The following MTOR variants were observed in gnomAD, a reference collection of about 807,000 sequenced individuals.
The protein encoded by MTOR is serine/threonine-protein kinase mTOR.
MTOR carries 70 observed loss-of-function variants against 319.8 expected under a neutral mutation model. The ratio of observed to expected loss-of-function variants is 0.22; its 90% CI spans 0.18 to 0.27. MTOR has a LOEUF of 0.27. MTOR is among the 10% of genes least tolerant of loss of function. The pLI is 1.00. For missense variants in MTOR, 1,890 were observed against 3,274.4 expected (o/e 0.58, Z 10.32); for synonymous variants, 1,183 against 1,211.4 (o/e 0.98, Z 0.49).
rs1042898098 is a variant in MTOR, at chr1:11,110,732, C to CT, written c.7367-1004dup. 7.2e-5 allele frequency among the ~76,000 whole-genome samples: 11 copies of CT among 151,748 alleles called. 1 individual carries two copies. Among genetic ancestry groups the CT allele is most frequent in the Admixed American group, 3.9e-4 (6 of 15,236 alleles). Reference sequence around the variant, plus strand: ...TTCTATTAATGATCCATTGGAAGTTCTTTTTTTTGAGACAGGGTCTTGCTG... The same window carrying CT: ...TTCTATTAATGATCCATTGGAAGTTCTTTTTTTTTGAGACAGGGTCTTGCTG... On this transcript the variant is annotated intron_variant, in intron 54 of 57. Transcript: ENST00000361445.
intron 8 of MTOR, among the ~76,000 whole-genome samples, chr1:11,246,661 G>C (rs1648873032): frequency 6.6e-6 from 1 of 152,186 alleles, no homozygotes; most frequent in Admixed American, 6.5e-5. Context: ...CTGAGGGCCA[G>C]GCTGGCCTTT....
intron 11 of MTOR, among the ~76,000 whole-genome samples, chr1:11,239,016 C>T (rs1406233349): frequency 3.3e-5 from 5 of 151,682 alleles, no homozygotes; most frequent in Non-Finnish European, 7.4e-5. Flanking sequence ...CCTTGTGATC[C>T]GCCCGCCTCG....
In MTOR at chr1:11,240,439, T is replaced by C; in HGVS notation, c.1650A>G (p.Lys550=). Residue 550 remains lysine, a synonymous_variant, in exon 11 of 58, where the codon AAA becomes AAG. Coordinates refer to ENST00000361445, the MANE Select transcript of MTOR (RefSeq NM_004958.4). The part of the protein sequence containing the change: ...LKMLSLVLMH[K]PLRHPGMPKG... ...TGGGCATGCCTGGGTGGCGAAGGGG[T>C]TTGTGCATAAGGACCAGGGACAGCA... The C allele has an allele frequency of 1.2e-6, 2 of 1,613,982 alleles. No individual in the cohort carries two copies. The highest frequency in any genetic ancestry group is 1.7e-6 in the Non-Finnish European group (2 of 1,179,996).
chr1:11,237,720 G>A (rs762411225), intron 13 of MTOR, 123 bp downstream of exon 13: 27 of 1,017,522 alleles, frequency 2.7e-5, no homozygotes, highest in African/African-American at 8.0e-5. Context: ...AGACAAATGC[G>A]GCTTTTACCA....
chr1:11,118,092 T>A (rs528306140), intron 49 of MTOR, among the ~76,000 whole-genome samples: 14 of 151,248 alleles, frequency 9.3e-5, no homozygotes, highest in African/African-American at 3.4e-4. Context: ...AAAATAAAAT[T>A]AAAAAAAATT....
At chr1:11,260,761 A>C (rs1651006491) in intron 1 of MTOR, among the ~76,000 whole-genome samples, 1 of 151,290 alleles carries the variant, frequency 6.6e-6, no homozygotes, top group Non-Finnish European at 1.5e-5. Flanking sequence ...TGCATTTTAC[A>C]CTTACAACAA....
chr1:11,206,115 T>C (rs745912002), intron 25 of MTOR, among the ~76,000 whole-genome samples: 2 of 152,192 alleles, frequency 1.3e-5, no homozygotes, highest in Non-Finnish European at 2.9e-5. Flanking sequence ...AGAGGGAGAC[T>C]AGATACCAAA....
At chr1:11,238,347 C>T in intron 12 of MTOR, 55 bp downstream of exon 12, 1 of 1,572,636 alleles carries the variant, frequency 6.4e-7, no homozygotes. Context: ...TGGCTACTCC[C>T]AATTGTCCTA....
At chr1:11,134,734 C>T (rs1643324056) in intron 36 of MTOR, among the ~76,000 whole-genome samples, 1 of 152,226 alleles carries the variant, frequency 6.6e-6, no homozygotes, top group African/African-American at 2.4e-5. Flanking sequence ...GGCAAAGTTT[C>T]ATGCCTGGCT....
intron 28 of MTOR, among the ~76,000 whole-genome samples, chr1:11,169,445 T>A (rs919657955): frequency 6.6e-6 from 1 of 152,200 alleles, no homozygotes; most frequent in Non-Finnish European, 1.5e-5. Context: ...GCCTCTTTGT[T>A]AAGGAAAAGT....
Position 11,122,147 on chromosome 1 carries a change from G to A in MTOR, c.6663-21C>T, listed in dbSNP as rs750048276. On this transcript the variant is annotated intron_variant, in intron 47 of 57. Transcript: ENST00000361445. ...GGATGCTGGCGCCCACAGAAAAGCAGGGTTAGTGTACCGTAAAGAGAGTAT... is the reference window on the plus strand; with the variant it reads ...GGATGCTGGCGCCCACAGAAAAGCAAGGTTAGTGTACCGTAAAGAGAGTAT... 2.9e-5 allele frequency: 47 copies of A among 1,614,000 alleles called. No individual in the cohort carries two copies. In the South Asian group the frequency reaches 4.7e-4, roughly 16 times the overall value.
intron 8 of MTOR, among the ~76,000 whole-genome samples, chr1:11,247,228 G>T (rs772111922): frequency 2.6e-4 from 39 of 152,196 alleles, no homozygotes; most frequent in Non-Finnish European, 5.1e-4. Flanking sequence ...GATGCTGCCT[G>T]CAAGTGGTGA....
At chr1:11,193,439 C>T in intron 28 of MTOR, 1 of 729,732 alleles carries the variant, frequency 1.4e-6, no homozygotes, top group South Asian at 1.9e-5. Context: ...GGCAGCATCA[C>T]TGCCCGAGTG....
At chr1:11,246,882 G>A (rs1648903466) in intron 8 of MTOR, among the ~76,000 whole-genome samples, 1 of 152,220 alleles carries the variant, frequency 6.6e-6, no homozygotes, top group Non-Finnish European at 1.5e-5. Flanking sequence ...AGTAGCTTGA[G>A]GAGGCTGTAA....
intron 49 of MTOR, among the ~76,000 whole-genome samples, chr1:11,118,240 T>G (rs867484933): frequency 0.054 from 7,138 of 131,998 alleles, 291 homozygotes; most frequent in South Asian, 0.13. Context: ...TTTTTTTTTT[T>G]TTTTTTTTTT....
chr1:11,220,364 C>A (rs1466602034), intron 19 of MTOR, among the ~76,000 whole-genome samples: 1 of 152,006 alleles, frequency 6.6e-6, no homozygotes, highest in Non-Finnish European at 1.5e-5. Context: ...GAATAATATT[C>A]TTGGCTAAAA....
chr1:11,250,660 C>T (rs571786114), intron 6 of MTOR, among the ~76,000 whole-genome samples: 22 of 152,264 alleles, frequency 1.4e-4, no homozygotes, highest in Non-Finnish European at 2.4e-4. Context: ...AACATCTATA[C>T]GCTGACAATG....
chr1:11,120,558 C>T (rs1176557491), intron 49 of MTOR, among the ~76,000 whole-genome samples: 6 of 151,582 alleles, frequency 4.0e-5, no homozygotes, highest in South Asian at 2.1e-4. Context: ...CACTATGTTG[C>T]CCAGGCTGGT....
intron 26 of MTOR, among the ~76,000 whole-genome samples, chr1:11,200,933 T>C (rs1382739818): frequency 1.6e-4 from 24 of 151,338 alleles, no homozygotes; most frequent in Admixed American, 1.6e-3. Flanking sequence ...GAGAATGGCT[T>C]GAACCTGGGA....
Sources: allele counts gnomAD v4.1 joint callset (sites outside exome capture counted in the v4.1 genomes callset), GRCh38; gene constraint gnomAD v4.1.1; transcripts MANE v1.5; gene names NCBI Gene and HGNC (gene_info 2026-07-23, HGNC 2026-07-21).